The following NEK1 variants were observed in gnomAD, a reference collection of about 807,000 sequenced individuals.
The protein encoded by NEK1 is serine/threonine-protein kinase Nek1.
In NEK1, 137 loss-of-function variants were observed where a neutral mutation model predicts 182.1. That is an observed-to-expected ratio of 0.75 (90% confidence interval 0.65 to 0.87). The LOEUF is 0.87. Among genes scored for constraint, NEK1 ranks in the 40% least tolerant of loss-of-function variants. NEK1 has a pLI of 0.00. For synonymous variants in NEK1, 513 were observed against 492.2 expected (o/e 1.04, Z -0.56); for missense variants, 1,391 against 1,494.4 (o/e 0.93, Z 1.14).
At chr4:169,521,863 T>G (rs999993543) in intron 19 of NEK1, among the ~76,000 whole-genome samples, 1 of 152,316 alleles carries the variant, frequency 6.6e-6, no homozygotes, top group Middle Eastern at 3.4e-3. Context: ...AGATTTGTCT[T>G]TTTAAAAACA....
chr4:169,592,213 A>G (rs1768641898), intron 5 of NEK1, among the ~76,000 whole-genome samples: 1 of 152,176 alleles, frequency 6.6e-6, no homozygotes, highest in Non-Finnish European at 1.5e-5. Context: ...TGAAACAGCA[A>G]TTTCAATTTC....
At chr4:169,475,635 A>G (rs529359280) in intron 26 of NEK1, among the ~76,000 whole-genome samples, 1 of 152,328 alleles carries the variant, frequency 6.6e-6, no homozygotes, top group African/African-American at 2.4e-5. Context: ...AAGGCAATCA[A>G]TAAAATGGAC....
At chr4:169,461,234 T>C (rs1428740940) in intron 27 of NEK1, among the ~76,000 whole-genome samples, 1 of 152,166 alleles carries the variant, frequency 6.6e-6, no homozygotes, top group Non-Finnish European at 1.5e-5. Context: ...TCTTTGCATA[T>C]ACTAGAATAG....
chr4:169,399,699 C>A (rs556723999), intron 35 of NEK1, among the ~76,000 whole-genome samples: 19 of 152,204 alleles, frequency 1.2e-4, no homozygotes, highest in Non-Finnish European at 1.9e-4. Flanking sequence ...CAGCTCACTG[C>A]AGCTTCAAAC....
Position 169,601,943 on chromosome 4 carries a change from T to C in NEK1, c.214+65A>G, listed in dbSNP as rs150285691. 1.3e-5 allele frequency: 14 copies of C among 1,095,418 alleles called. No homozygotes were observed. The East Asian group carries it at 2.8e-4, about 22-fold the overall frequency. The allele number at this position is 1,095,418 out of a possible 1,614,324, so 67.9% of individuals were successfully genotyped here. A position where few individuals can be genotyped will look rare whatever the true frequency, so the allele number is the denominator to read the frequency against. ...AAAAATGGTATCTTTTTCCTAAGAATGCATTCACAAAAAGATTTATTAATG... is the reference window on the plus strand; with the variant it reads ...AAAAATGGTATCTTTTTCCTAAGAACGCATTCACAAAAAGATTTATTAATG... On this transcript the variant is annotated intron_variant, in intron 4 of 35. Transcript: ENST00000507142.
chr4:169,603,985 G>A (rs1207141967), intron 2 of NEK1, among the ~76,000 whole-genome samples: 2 of 152,096 alleles, frequency 1.3e-5, no homozygotes, highest in African/African-American at 2.4e-5. Context: ...AGAGGTGTGA[G>A]CCACCATGAG....
intron 18 of NEK1, among the ~76,000 whole-genome samples, chr4:169,550,250 A>C (rs1761216379): frequency 6.6e-6 from 1 of 152,156 alleles, no homozygotes; most frequent in African/African-American, 2.4e-5. Context: ...GCTGCAAGAC[A>C]TGACTTTACT....
At chr4:169,515,172 C>T (rs563947001) in intron 19 of NEK1, among the ~76,000 whole-genome samples, 51 of 152,196 alleles carry the variant, frequency 3.4e-4, no homozygotes, top group African/African-American at 1.1e-3. Flanking sequence ...TTTAATTCCA[C>T]TGTTCTCTAT....
At chr4:169,504,423 C>T (rs568408153) in intron 23 of NEK1, among the ~76,000 whole-genome samples, 4 of 152,182 alleles carry the variant, frequency 2.6e-5, no homozygotes, top group African/African-American at 7.2e-5. Flanking sequence ...CAGAGATATC[C>T]GCACTCCCAT....
At chr4:169,477,815 AAGT>A (rs201982973) in intron 24 of NEK1, among the ~76,000 whole-genome samples, 1,542 of 147,658 alleles carry the variant, frequency 0.01, 59 homozygotes, top group East Asian at 0.037. Flanking sequence ...TTAGAGGAAA[AAGT>A]AGAAATTAGA....
intron 11 of NEK1, among the ~76,000 whole-genome samples, chr4:169,580,278 C>T (rs903771514): frequency 1.3e-5 from 2 of 152,034 alleles, no homozygotes; most frequent in Non-Finnish European, 2.9e-5. Flanking sequence ...GGGTGGATCA[C>T]CTGAGGTTGG....
chr4:169,468,559 C>T (rs1302206884), intron 26 of NEK1, among the ~76,000 whole-genome samples: 1 of 152,096 alleles, frequency 6.6e-6, no homozygotes, highest in Non-Finnish European at 1.5e-5. Context: ...CCAATGTCTG[C>T]AATTTACTCT....
At chr4:169,480,181 C>T (rs1747718578) in intron 23 of NEK1, among the ~76,000 whole-genome samples, 1 of 152,076 alleles carries the variant, frequency 6.6e-6, no homozygotes, top group Non-Finnish European at 1.5e-5. Flanking sequence ...CCTAGTCTTC[C>T]TCAATCTAGG....
At chr4:169,578,825 G>A (rs1314080697) in intron 11 of NEK1, among the ~76,000 whole-genome samples, 1 of 152,128 alleles carries the variant, frequency 6.6e-6, no homozygotes, top group Admixed American at 6.5e-5. Flanking sequence ...TATACGACGT[G>A]ATAGGGTAAG....
intron 16 of NEK1, among the ~76,000 whole-genome samples, chr4:169,558,409 A>C (rs1441815583): frequency 2.6e-5 from 4 of 152,234 alleles, no homozygotes; most frequent in African/African-American, 9.6e-5. Flanking sequence ...TACCCCAGAA[A>C]GTTCCCTTGT....
At chr4:169,603,511 A>G (rs1351007439) in intron 2 of NEK1, among the ~76,000 whole-genome samples, 2 of 152,206 alleles carry the variant, frequency 1.3e-5, no homozygotes, top group Non-Finnish European at 2.9e-5. Context: ...ACCATAGTAC[A>G]TATTTACAGA....
chr4:169,534,950 C>T (rs886953415), intron 19 of NEK1, among the ~76,000 whole-genome samples: 3 of 152,166 alleles, frequency 2.0e-5, no homozygotes, highest in South Asian at 2.1e-4. Context: ...AATTATATTC[C>T]GTATGTTTAA....
rs187731637 is a variant in NEK1, at chr4:169,454,990, C to T, written c.2587+8253G>A. Among the ~76,000 whole-genome samples, 18 of 152,222 alleles carry T rather than the reference C, an allele frequency of 1.2e-4. No homozygotes were observed. The East Asian group carries it at 1.9e-3, about 16-fold the overall frequency. On this transcript the variant is annotated intron_variant, in intron 27 of 35. Transcript: ENST00000507142. ...GGCACATATACACCATGGAATACTA[C>T]GCAGCCATAAGAAAGGATGAGTTCA...
chr4:169,598,244 T>A (rs1342059238), intron 5 of NEK1, among the ~76,000 whole-genome samples: 2 of 152,168 alleles, frequency 1.3e-5, no homozygotes, highest in Non-Finnish European at 2.9e-5. Context: ...GGATTCCTTA[T>A]AAATTGAAAA....
Sources: gnomAD v4.1 joint callset for allele counts (sites outside exome capture counted in the v4.1 genomes callset) on GRCh38, gnomAD v4.1.1 for gene constraint, MANE v1.5 for transcripts, NCBI Gene and HGNC (gene_info 2026-07-23, HGNC 2026-07-21) for gene names.